The following RPS6KA6 variants were observed in gnomAD, a reference collection of about 807,000 sequenced individuals.
RPS6KA6 encodes ribosomal protein S6 kinase alpha-6.
In RPS6KA6, 27 loss-of-function variants were observed where a neutral mutation model predicts 65.4. The observed-to-expected ratio is 0.41, with a 90% CI of 0.30 to 0.57. The LOEUF is 0.57. Among genes scored for constraint, RPS6KA6 ranks in the 20% least tolerant of loss-of-function variants. The pLI is 0.24. For missense variants in RPS6KA6, 486 were observed against 555.6 expected, an observed-to-expected ratio of 0.87 and a Z score of 1.26; for synonymous variants, 190 against 184.2, an observed-to-expected ratio of 1.03 and a Z score of -0.26.
intron 6 of RPS6KA6, among the ~76,000 whole-genome samples, chrX:84,135,562 G>A (rs1161414245): frequency 9.0e-6 from 1 of 111,375 alleles, no homozygotes; most frequent in Non-Finnish European, 1.9e-5. Flanking sequence ...ATAGTAATCT[G>A]CTATAATATA....
In RPS6KA6 at chrX:84,106,906, T is replaced by C; in HGVS notation, c.1242+4A>G. On this transcript the variant is annotated splice_donor_region_variant and intron_variant, in intron 14 of 21. Transcript: ENST00000262752. ...ACTGAATAATGTGATTAAGTGGAAT[T>C]TACCTGAACAATTGGTAATACATTT... The C allele has an allele frequency of 4.3e-6, 5 of 1,164,027 alleles. No individual in the cohort carries two copies. Among genetic ancestry groups the C allele is most frequent in the Non-Finnish European group, 5.8e-6 (5 of 863,681 alleles).
intron 8 of RPS6KA6, among the ~76,000 whole-genome samples, chrX:84,124,198 G>A (rs6622922): frequency 1.5e-4 from 17 of 110,984 alleles, no homozygotes; most frequent in East Asian, 5.7e-4. Context: ...AAACAAGCCC[G>A]GAGTCCAAGA....
chrX:84,163,297 A>G (rs768997157), intron 2 of RPS6KA6, among the ~76,000 whole-genome samples: 58 of 112,228 alleles, frequency 5.2e-4, no homozygotes, highest in African/African-American at 1.5e-3. Flanking sequence ...AGACTAATCC[A>G]TACAATGAAG....
chrX:84,163,918 T>C (rs2035557931), intron 2 of RPS6KA6, among the ~76,000 whole-genome samples: 1 of 111,885 alleles, frequency 8.9e-6, no homozygotes, highest in African/African-American at 3.2e-5. Flanking sequence ...AAATTGATTT[T>C]AAATGATTTC....
chrX:84,175,617 A>G (rs1007039873), intron 1 of RPS6KA6, among the ~76,000 whole-genome samples: 3 of 111,150 alleles, frequency 2.7e-5, no homozygotes, highest in African/African-American at 9.8e-5. Flanking sequence ...ATCGGGTATT[A>G]ATATATTAGA....
At chrX:84,085,100 G>A (rs2033889372) in intron 20 of RPS6KA6, among the ~76,000 whole-genome samples, 1 of 111,516 alleles carries the variant, frequency 9.0e-6, no homozygotes, top group Admixed American at 9.6e-5. Flanking sequence ...AGAAGCTTTT[G>A]GGCTGAGACA....
At chrX:84,152,670 C>T (rs993286100) in intron 3 of RPS6KA6, among the ~76,000 whole-genome samples, 12 of 111,443 alleles carry the variant, frequency 1.1e-4, no homozygotes, top group African/African-American at 3.9e-4. Context: ...CTGTGCTGGA[C>T]ACTGGGGGAT....
intron 14 of RPS6KA6, 144 bp downstream of exon 14, chrX:84,106,766 C>G (rs760596238): frequency 2.4e-5 from 12 of 500,323 alleles, no homozygotes; most frequent in Non-Finnish European, 3.5e-5. Context: ...CCAAAACACA[C>G]AGGGACATAT....
intron 8 of RPS6KA6, among the ~76,000 whole-genome samples, chrX:84,132,233 G>A (rs904722200): frequency 3.6e-5 from 4 of 110,627 alleles, no homozygotes; most frequent in African/African-American, 1.3e-4. Flanking sequence ...GACCAGCCTG[G>A]GCAATATAGC....
At chrX:84,181,038 C>T (rs768571030) in intron 1 of RPS6KA6, among the ~76,000 whole-genome samples, 62 of 111,674 alleles carry the variant, frequency 5.6e-4, no homozygotes, top group Non-Finnish European at 7.5e-4. Flanking sequence ...ACGCTATTAT[C>T]TCTTTCTCCC....
intron 3 of RPS6KA6, among the ~76,000 whole-genome samples, chrX:84,150,317 A>G (rs1200292040): frequency 9.0e-6 from 1 of 111,400 alleles, no homozygotes; most frequent in Non-Finnish European, 1.9e-5. Flanking sequence ...TGGAGTAGCA[A>G]TTTTAATTTC....
intron 12 of RPS6KA6, among the ~76,000 whole-genome samples, chrX:84,113,855 GAT>G (rs777495418): frequency 1.8e-5 from 2 of 111,326 alleles, no homozygotes; most frequent in East Asian, 5.7e-4. Flanking sequence ...ATTGATTGAT[GAT>G]ATAATATGAT....
chrX:84,122,825 A>G (rs1157190203), intron 8 of RPS6KA6, among the ~76,000 whole-genome samples: 1 of 111,787 alleles, frequency 8.9e-6, no homozygotes, highest in Admixed American at 9.5e-5. Flanking sequence ...AATTAGAGCC[A>G]GTGGACTAGG....
chrX:84,091,749 C>T (rs1349065207), intron 20 of RPS6KA6, among the ~76,000 whole-genome samples: 2 of 111,772 alleles, frequency 1.8e-5, no homozygotes, highest in Non-Finnish European at 1.9e-5. Context: ...CGTGTATGTT[C>T]ACTGCAGCAG....
At chrX:84,076,234 T>C (rs561116047) in intron 20 of RPS6KA6, among the ~76,000 whole-genome samples, 11 of 110,007 alleles carry the variant, frequency 1.0e-4, no homozygotes, top group East Asian at 6.2e-4. Context: ...CCAACAAACA[T>C]TTAAGAATAA....
rs181588461 is a variant in RPS6KA6 at position 84,165,133 on chromosome X, C to T, written c.82-746G>A. ...GAGTTGACCAGTTGTGACAGAGACC[C>T]TATGTCTGCAAAGCTTAAAATATTT... On this transcript the variant is annotated intron_variant, in intron 1 of 21. Coordinates refer to ENST00000262752, the MANE Select transcript of RPS6KA6 (RefSeq NM_014496.5). Among the ~76,000 whole-genome samples the T allele has an allele frequency of 2.3e-3, 258 of 110,646 alleles. 3 individuals carry two copies. Among genetic ancestry groups the T allele is most frequent in the Admixed American group, 0.02 (207 of 10,293 alleles).
In RPS6KA6 at chrX:84,064,844, A is replaced by T. The variant is rs535435468; in HGVS notation, c.2112+127T>A. On this transcript the variant is annotated intron_variant, in intron 21 of 21. Transcript: ENST00000262752. ...AAGAAAAGTACATGGTTGTTAATTT[A>T]AAAAAATCTATCTTTAAAAAATAAA... 806 of 506,902 alleles carry T rather than the reference A, an allele frequency of 1.6e-3. 3 individuals are homozygous for T. In the South Asian group the frequency reaches 0.033, roughly 21 times the overall value. The allele number at this position is 506,902 out of a possible 1,213,427, so 41.8% of individuals were successfully genotyped here.
intron 1 of RPS6KA6, among the ~76,000 whole-genome samples, chrX:84,169,443 C>A (rs1328028488): frequency 9.6e-6 from 1 of 104,278 alleles, no homozygotes; most frequent in Non-Finnish European, 2.0e-5. Flanking sequence ...AAAAAAAAAT[C>A]CCTTTCAGAT....
At chrX:84,107,321 A>G (rs1161706215) in intron 13 of RPS6KA6, among the ~76,000 whole-genome samples, 1 of 111,679 alleles carries the variant, frequency 9.0e-6, no homozygotes, top group Admixed American at 9.5e-5. Flanking sequence ...ACAGAGTAAT[A>G]TATCTCACGT....
Sources: allele counts gnomAD v4.1 joint callset (sites outside exome capture counted in the v4.1 genomes callset), GRCh38; gene constraint gnomAD v4.1.1; transcripts MANE v1.5; gene names NCBI Gene and HGNC (gene_info 2026-07-23, HGNC 2026-07-21).